Variants in POU2AF3 observed in about 807,000 individuals in gnomAD.
POU2AF3 encodes POU class 2 homeobox associating factor 3, also known as cancer susceptibility candidate 13.
At chr11:111,306,778 A>T in the POU2AF3 span, among the ~76,000 whole-genome samples, 1 of 152,248 alleles carries the variant, frequency 6.6e-6, no homozygotes, top group Non-Finnish European at 1.5e-5. Context: ...AAGTCAATGT[A>T]TAGAAGTAGC....
the POU2AF3 span, chr11:111,299,892 T>G: frequency 2.1e-6 from 1 of 474,464 alleles, no homozygotes; most frequent in African/African-American, 2.0e-5. Flanking sequence ...CTTTACTAGG[T>G]CAGTCTGGCA....
At chr11:111,308,120 A>G in the POU2AF3 span, 48 of 1,546,472 alleles carry the variant, frequency 3.1e-5, no homozygotes, top group Non-Finnish European at 3.8e-5. Context: ...CTTAGACTAC[A>G]GTTACTCGCC....
chr11:111,308,601 A>AC, the POU2AF3 span: 1 of 653,860 alleles, frequency 1.5e-6, no homozygotes, highest in Non-Finnish European at 2.4e-6. Flanking sequence ...AAGTCCTCAG[A>AC]CCCGGTCACA....
the POU2AF3 span, chr11:111,298,758 C>A: frequency 8.9e-7 from 1 of 1,125,206 alleles, no homozygotes; most frequent in Non-Finnish European, 1.1e-6. Context: ...CGCTCCCACT[C>A]AGCGCCTGTC....
the POU2AF3 span, among the ~76,000 whole-genome samples, chr11:111,301,814 G>A: frequency 6.6e-6 from 1 of 152,280 alleles, no homozygotes; most frequent in South Asian, 2.1e-4. Context: ...GTCATTATTT[G>A]AGAAATAATA....
chr11:111,298,826 G>GCCGGGGGGGCCCCC, the POU2AF3 span: 1 of 790,962 alleles, frequency 1.3e-6, no homozygotes, highest in Non-Finnish European at 1.7e-6. Context: ...CGTACCCCAG[G>GCCGGGGGGGCCCCC]CCCCCGCCCG....
the POU2AF3 span, among the ~76,000 whole-genome samples, chr11:111,304,495 G>A: frequency 6.6e-6 from 1 of 152,008 alleles, no homozygotes; most frequent in African/African-American, 2.4e-5. Context: ...AACTCCCCAA[G>A]CAAGCAAACA....
At chr11:111,298,825 G>GGGGGGGGGGGC in the POU2AF3 span, 7 of 852,666 alleles carry the variant, frequency 8.2e-6, no homozygotes, top group Non-Finnish European at 1.1e-5. Context: ...GCGTACCCCA[G>GGGGGGGGGGGC]GCCCCCGCCC....
the POU2AF3 span, among the ~76,000 whole-genome samples, chr11:111,303,521 A>G: frequency 6.6e-6 from 1 of 152,180 alleles, no homozygotes; most frequent in African/African-American, 2.4e-5. Context: ...TCAGGGAGAT[A>G]ACATGGGGTG....
the POU2AF3 span, among the ~76,000 whole-genome samples, chr11:111,305,861 C>A: frequency 1.3e-5 from 2 of 152,178 alleles, no homozygotes; most frequent in African/African-American, 4.8e-5. Context: ...TCCTGGTTTC[C>A]ATGATTATCA....
the POU2AF3 span, chr11:111,300,350 C>G: frequency 2.8e-5 from 10 of 352,182 alleles, no homozygotes; most frequent in Middle Eastern, 1.4e-3. Flanking sequence ...CTCAGCTACT[C>G]TTCATTCTTT....
At chr11:111,305,462 C>T in the POU2AF3 span, among the ~76,000 whole-genome samples, 3 of 152,194 alleles carry the variant, frequency 2.0e-5, no homozygotes, top group Admixed American at 1.3e-4. Flanking sequence ...ATAAGAATAA[C>T]TCGATTACAT....
the POU2AF3 span, chr11:111,299,609 C>T: frequency 2.4e-6 from 3 of 1,224,944 alleles, no homozygotes; most frequent in African/African-American, 1.6e-5. Flanking sequence ...GGCGGCCTCC[C>T]GGCGGAGTGC....
the POU2AF3 span, chr11:111,298,594 TC>T: frequency 8.2e-5 from 102 of 1,246,662 alleles, no homozygotes; most frequent in South Asian, 3.5e-3. Context: ...GTCGGGTAAC[TC>T]GGCTGCTTCT....
chr11:111,306,271 T>C, the POU2AF3 span: 1 of 477,918 alleles, frequency 2.1e-6, no homozygotes, highest in East Asian at 3.4e-5. Context: ...CCCGTTTACT[T>C]TTCTGGATTT....
chr11:111,299,466 G>C, the POU2AF3 span: 1 of 1,085,396 alleles, frequency 9.2e-7, no homozygotes, highest in Non-Finnish European at 1.1e-6. Context: ...TCGGGGCCCG[G>C]GGCTGAGGCT....
the POU2AF3 span, chr11:111,299,199 G>C: frequency 1.0e-6 from 1 of 973,892 alleles, no homozygotes; most frequent in Non-Finnish European, 1.2e-6. Flanking sequence ...GGGGATCCCT[G>C]CTGTCCAGCT....
At chr11:111,303,145 T>G in the POU2AF3 span, among the ~76,000 whole-genome samples, 909 of 152,316 alleles carry the variant, frequency 6.0e-3, 7 homozygotes, top group African/African-American at 0.02. Context: ...ATTCAAATAT[T>G]CTTCAAGCAG....
At chr11:111,303,705 G>C in the POU2AF3 span, among the ~76,000 whole-genome samples, 7 of 152,282 alleles carry the variant, frequency 4.6e-5, no homozygotes, top group African/African-American at 1.7e-4. Flanking sequence ...ATTACAGCAT[G>C]GATCGTTTTC....
Sources: allele counts gnomAD v4.1 joint callset (sites outside exome capture counted in the v4.1 genomes callset), GRCh38; gene constraint gnomAD v4.1.1; transcripts MANE v1.5; gene names NCBI Gene and HGNC (gene_info 2026-07-23, HGNC 2026-07-21).